Variants in SMIM8 observed in about 807,000 individuals in gnomAD.
The protein encoded by SMIM8 is small integral membrane protein 8, also known as UPF0708 protein C6orf162.
In SMIM8, 8 loss-of-function variants were observed where a neutral mutation model predicts 8.1. The observed-to-expected ratio is 0.99, with a 90% confidence interval of 0.58 to 1.78. The LOEUF is 1.78. Ranked by LOEUF, SMIM8 falls within the 40% of genes most tolerant of loss-of-function variation. SMIM8 has a pLI of 0.00. For missense variants in SMIM8, 126 were observed against 119.8 expected (o/e 1.05, Z -0.24); for synonymous variants, 45 against 39.7 (o/e 1.13, Z -0.50).
At chr6:87,332,311 C>A in intron 2 of SMIM8, among the ~76,000 whole-genome samples, 1 of 116,520 alleles carries the variant, frequency 8.6e-6, no homozygotes. Context: ...TCCTCCTCTC[C>A]TCCCCCCCCA....
chr6:87,336,387 T>C (rs569681738), intron 2 of SMIM8, among the ~76,000 whole-genome samples: 1 of 152,286 alleles, frequency 6.6e-6, no homozygotes, highest in South Asian at 2.1e-4. Context: ...TAAAAAAGGA[T>C]ATTCAGATTA....
chr6:87,329,696 A>G (rs912352507), intron 1 of SMIM8, among the ~76,000 whole-genome samples: 1 of 152,214 alleles, frequency 6.6e-6, no homozygotes, highest in African/African-American at 2.4e-5. Context: ...ATATTGTAAT[A>G]TACATGCAAA....
chr6:87,339,436 T>TTG (rs150051963), intron 3 of SMIM8, among the ~76,000 whole-genome samples: 1,506 of 113,196 alleles, frequency 0.013, 21 homozygotes, highest in African/African-American at 0.041. Flanking sequence ...GTGTGTGTGT[T>TTG]TGTGTGTGTG....
At position 87,337,086 on chromosome 6, in the gene SMIM8, G is replaced by C. The variant is rs376504225; in HGVS notation, c.55G>C (p.Glu19Gln). Residue 19 changes from glutamate (E) to glutamine (Q), a missense_variant, in exon 3 of 4, where the codon GAG becomes CAG. Physicochemically the swap from Glu to Gln is conservative, Grantham distance 29. Transcript: ENST00000392863. ...CAAAAAGGAACCACCCAAAGAGAAA[G>C]AGTTTCAAAGCCCAGGGCTCAGAGG... is the stretch of plus-strand genomic sequence containing the variant. The part of the protein sequence containing the change: ...TFKKEPPKEK[E>Q]FQSPGLRGVR... The C allele has an allele frequency of 2.3e-5, 37 of 1,613,178 alleles. No individual in the cohort carries two copies. The African/African-American group carries it at 3.7e-4, about 16-fold the overall frequency.
intron 1 of SMIM8, among the ~76,000 whole-genome samples, chr6:87,323,226 C>CAGT (rs1776715210): frequency 6.6e-6 from 1 of 152,112 alleles, no homozygotes; most frequent in South Asian, 2.1e-4. Context: ...TTTTCAGAGA[C>CAGT]AGTACTACAT....
At chr6:87,325,165 G>C (rs1299641740) in intron 1 of SMIM8, among the ~76,000 whole-genome samples, 1 of 152,102 alleles carries the variant, frequency 6.6e-6, no homozygotes, top group Non-Finnish European at 1.5e-5. Flanking sequence ...GGAGATGTTG[G>C]GCTGAGACAA....
rs540899261 is a variant in SMIM8 at position 87,336,018 on chromosome 6, A to G, written c.-23-991A>G. On this transcript the variant is annotated intron_variant, in intron 2 of 3. Coordinates refer to ENST00000392863, the MANE Select transcript of SMIM8 (RefSeq NM_001042493.3). The stretch of plus-strand genomic sequence containing the variant: ...TTCCAGTCTAGGCAATCGAGTAAGA[A>G]GACTGTCTCAAAAAAAAAATACTTG... Among the ~76,000 whole-genome samples, 10 of 152,242 alleles carry G rather than the reference A, an allele frequency of 6.6e-5. No individual in the cohort carries two copies. The South Asian group carries it at 1.7e-3, about 25-fold the overall frequency.
rs58307492 is a variant in SMIM8, at chr6:87,338,906, C to CTT, written c.136-1191_136-1190dup. ...TGAACATCTTTCCTGTATTTAAAAG[C>CTT]TTTTTTTTTTTTTTTTTTTTGACTG... On this transcript the variant is annotated intron_variant, in intron 3 of 3. Transcript: ENST00000392863. 2.4e-3 allele frequency among the ~76,000 whole-genome samples: 281 copies of CTT among 116,088 alleles called. 6 individuals carry two copies. The highest frequency in any genetic ancestry group is 3.9e-3 in the African/African-American group (115 of 29,310). 76.2% of individuals were successfully genotyped at this position (116,088 alleles called of 152,430 possible).
chr6:87,323,634 A>G (rs1014519016), intron 1 of SMIM8, among the ~76,000 whole-genome samples: 1 of 152,004 alleles, frequency 6.6e-6, no homozygotes, highest in Non-Finnish European at 1.5e-5. Flanking sequence ...ATAGTATTAC[A>G]TGGTGTATAT....
intron 3 of SMIM8, among the ~76,000 whole-genome samples, chr6:87,339,325 CGTGT>C (rs59321615): frequency 0.1 from 12,462 of 123,858 alleles, 737 homozygotes; most frequent in Middle Eastern, 0.16. Context: ...CAAAACACAG[CGTGT>C]GTGTGTGTGT....
chr6:87,331,994 T>A (rs1777005333), intron 2 of SMIM8, among the ~76,000 whole-genome samples: 1 of 152,138 alleles, frequency 6.6e-6, no homozygotes. Flanking sequence ...GAGTTTAACA[T>A]AAACAGTGAA....
At chr6:87,331,213 G>T (rs951940276) in intron 2 of SMIM8, among the ~76,000 whole-genome samples, 2 of 152,198 alleles carry the variant, frequency 1.3e-5, no homozygotes, top group Non-Finnish European at 2.9e-5. Context: ...GGAGAAACTA[G>T]TGGGAAGACT....
chr6:87,340,621 C>T lies in SMIM8; in HGVS notation c.*347C>T, dbSNP rs183477575. The T allele has an allele frequency of 3.1e-5, 5 of 159,096 alleles. No homozygotes were observed. Among genetic ancestry groups the T allele is most frequent in the East Asian group, 3.6e-4 (2 of 5,608 alleles). 9.9% of individuals were successfully genotyped at this position (159,096 alleles called of 1,614,324 possible). The stretch of plus-strand genomic sequence containing the variant: ...TTAAATATTTTAAGATGAATTATGC[C>T]GGTGCAGCTGTCGTGAAAGTTTACT... On this transcript the variant is annotated 3_prime_UTR_variant, in exon 4 of 4. Coordinates refer to ENST00000392863, the MANE Select transcript of SMIM8 (RefSeq NM_001042493.3).
rs1479398955 is a variant in SMIM8, at chr6:87,340,106, T to TC, written c.136-9dup. The TC allele has an allele frequency of 6.5e-7, 1 of 1,537,598 alleles. No homozygotes were observed. Among genetic ancestry groups the TC allele is most frequent in the Non-Finnish European group, 8.7e-7 (1 of 1,149,348 alleles). ...TTACTAAAGCTTTATAATTTTTTTT[T>TC]CTTTGACAGAACAAACCTGTAATGG... is the stretch of plus-strand genomic sequence containing the variant. On this transcript the variant is annotated splice_polypyrimidine_tract_variant and intron_variant, in intron 3 of 3. Transcript: ENST00000392863.
At position 87,337,036 on chromosome 6, in the gene SMIM8, C is replaced by A; in HGVS notation, c.5C>A (p.Ser2Tyr). The change falls in exon 3 of 4, where the codon TCT (serine) becomes TAT (tyrosine). Residue 2 changes from serine (S) to tyrosine (Y), a missense_variant. Ser to Tyr is a moderately radical substitution (Grantham distance 144). Coordinates refer to ENST00000392863, the MANE Select transcript of SMIM8 (RefSeq NM_001042493.3). The stretch of plus-strand genomic sequence containing the variant: ...AATAAATCATCATTGATCAAGATGT[C>A]TTCAGCACCTGAGCCTCCAACATTC... MSSAPEPPTFKK... is the reference protein window; with the variant it reads MYSAPEPPTFKK... 6.2e-7 allele frequency: 1 copy of A among 1,607,746 alleles called. No individual in the cohort carries two copies. The highest frequency in any genetic ancestry group is 8.5e-7 in the Non-Finnish European group (1 of 1,177,298).
At chr6:87,339,925 A>G (rs771745097) in intron 3 of SMIM8, among the ~76,000 whole-genome samples, 191 bp from the exon 4 acceptor site, 1 of 152,184 alleles carries the variant, frequency 6.6e-6, no homozygotes. Flanking sequence ...AGTCTTCTAT[A>G]ATCTCTAGAT....
chr6:87,331,846 T>G (rs1562223051), intron 2 of SMIM8, among the ~76,000 whole-genome samples: 1 of 152,120 alleles, frequency 6.6e-6, no homozygotes, highest in Non-Finnish European at 1.5e-5. Flanking sequence ...CCACTTCTAA[T>G]AAAAGAATGA....
At chr6:87,328,815 G>T (rs891194241) in intron 1 of SMIM8, among the ~76,000 whole-genome samples, 15 of 152,278 alleles carry the variant, frequency 9.9e-5, no homozygotes, top group Admixed American at 4.6e-4. Context: ...GTTTACCTAA[G>T]CAAGCCTGGG....
chr6:87,340,374 T>A lies in SMIM8; in HGVS notation c.*100T>A. The A allele has an allele frequency of 8.2e-7, 1 of 1,215,784 alleles. No individual in the cohort carries two copies. The highest frequency in any genetic ancestry group is 1.1e-6 in the Non-Finnish European group (1 of 942,142). The allele number at this position is 1,215,784 out of a possible 1,614,324, so 75.3% of individuals were successfully genotyped here. A position where few individuals can be genotyped will look rare whatever the true frequency, so the allele number is the denominator to read the frequency against. ...GTATCATGTTTCTTGTTCTAGAACATGCTAATGAAGAGAGAAGATAGCAGT... is the reference window on the plus strand; with the variant it reads ...GTATCATGTTTCTTGTTCTAGAACAAGCTAATGAAGAGAGAAGATAGCAGT... On this transcript the variant is annotated 3_prime_UTR_variant, in exon 4 of 4. Coordinates refer to ENST00000392863, the MANE Select transcript of SMIM8 (RefSeq NM_001042493.3).
Sources: gnomAD v4.1 joint callset for allele counts (sites outside exome capture counted in the v4.1 genomes callset) on GRCh38, gnomAD v4.1.1 for gene constraint, MANE v1.5 for transcripts, NCBI Gene and HGNC (gene_info 2026-07-23, HGNC 2026-07-21) for gene names.